NFE2L2: variants seen among roughly 807,000 people sequenced by gnomAD.
The protein encoded by NFE2L2 is nuclear factor erythroid 2-related factor 2.
A neutral mutation model predicts 49.6 loss-of-function variants in NFE2L2; 20 were observed. That is an observed-to-expected ratio of 0.40 (90% confidence interval 0.28 to 0.59). The LOEUF (loss-of-function observed/expected upper bound fraction) is 0.59, where lower values mean the gene tolerates loss of function less well. Among genes scored for constraint, NFE2L2 ranks in the 20% least tolerant of loss-of-function variants. The probability of loss-of-function intolerance (pLI) is 0.40; values close to 1 mark genes in which losing one functional copy is unlikely to be tolerated. For missense variants in NFE2L2, 578 were observed against 714.2 expected (o/e 0.81, Z 2.17); for synonymous variants, 244 against 256.5 (o/e 0.95, Z 0.47).
chr2:177,264,208 T>A (rs1270142453), intron 1 of NFE2L2, among the ~76,000 whole-genome samples: 1 of 151,890 alleles, frequency 6.6e-6, no homozygotes, highest in Non-Finnish European at 1.5e-5. Context: ...ACTTAGGGGC[T>A]CCGGAGTCCC....
chr2:177,235,717 T>C (rs1689727304), intron 1 of NFE2L2, among the ~76,000 whole-genome samples: 1 of 151,934 alleles, frequency 6.6e-6, no homozygotes, highest in Non-Finnish European at 1.5e-5. Flanking sequence ...GTCCCAACTA[T>C]TAGGGAGACT....
At chr2:177,252,056 T>G (rs1690362167) in intron 1 of NFE2L2, among the ~76,000 whole-genome samples, 1 of 149,368 alleles carries the variant, frequency 6.7e-6, no homozygotes, top group Admixed American at 6.7e-5. Context: ...ATGAAAATGA[T>G]CACAACCACC....
rs760100206 is a variant in NFE2L2 at position 177,231,859 on chromosome 2, A to G, written c.744T>C (p.Asn248=). ...TGCTGCTGAAGGAATCCTCAAAAGC[A>G]TTAAGAAAATGTGGACTACAGTTAC... The part of the protein sequence containing the change: ...EVGNCSPHFL[N]AFEDSFSSIL... The change falls in exon 5 of 5, where the codon AAT becomes AAC. Residue 248 remains asparagine, a synonymous_variant. Coordinates refer to ENST00000397062, the MANE Select transcript of NFE2L2 (RefSeq NM_006164.5). 5.6e-6 allele frequency: 9 copies of G among 1,614,088 alleles called. No homozygotes were observed. The highest frequency in any genetic ancestry group is 5.3e-5 in the African/African-American group (4 of 74,924).
Position 177,264,538 on chromosome 2 carries a change from G to A in NFE2L2, c.39C>T (p.Ser13=), listed in dbSNP as rs745412786. 6.6e-7 allele frequency: 1 copy of A among 1,523,934 alleles called. No individual in the cohort carries two copies. The allele number at this position is 1,523,934 out of a possible 1,614,324, so 94.4% of individuals were successfully genotyped here. Residue 13 remains serine (S), a synonymous_variant, in exon 1 of 5, where the codon TCC becomes TCT. Transcript: ENST00000397062. Reference sequence around the variant, plus strand: ...CAGAGGGCCGAGGCAGCACCTGCTGGGACGGGAGTCCCGGCGGCGGCAGCT... The same window carrying A: ...CAGAGGGCCGAGGCAGCACCTGCTGAGACGGGAGTCCCGGCGGCGGCAGCT... The part of the protein sequence containing the change: ...DLELPPPGLP[S]QQDMDLIDIL...
At chr2:177,263,611 G>C (rs1448126158) in intron 1 of NFE2L2, 1 of 985,378 alleles carries the variant, frequency 1.0e-6, no homozygotes, top group South Asian at 4.7e-5. Flanking sequence ...ACGGCCAACC[G>C]AGCGCTGTCA....
intron 1 of NFE2L2, chr2:177,255,917 T>C (rs1237836446): frequency 6.5e-6 from 1 of 153,348 alleles, no homozygotes; most frequent in Non-Finnish European, 1.5e-5. Context: ...TCATCAAGAA[T>C]AAAAATAACT....
chr2:177,238,995 C>G (rs1689854568), intron 1 of NFE2L2, among the ~76,000 whole-genome samples: 1 of 152,028 alleles, frequency 6.6e-6, no homozygotes, highest in Non-Finnish European at 1.5e-5. Flanking sequence ...TACAAACATA[C>G]ACACACACAC....
At chr2:177,232,350 A>C (rs1474427571) in intron 4 of NFE2L2, 42 bp downstream of exon 4, 1 of 1,544,784 alleles carries the variant, frequency 6.5e-7, no homozygotes, top group East Asian at 2.3e-5. Flanking sequence ...AAAGGCACTG[A>C]ATATAAAAAA....
In NFE2L2 at chr2:177,231,178, G is replaced by T. The variant is rs1689530663; in HGVS notation, c.1425C>A (p.Asn475Lys). ...TTTCGTTGAAGTCAACAACAGGGAG[G>T]TTAATGATTTTTTCTACAGGGAATG... ...HIPFPVEKII[N>K]LPVVDFNEMM... The change falls in exon 5 of 5, where the codon AAC (asparagine) becomes AAA (lysine). Residue 475 changes from asparagine to lysine, a missense_variant. Physicochemically the swap from Asn to Lys is moderately conservative, Grantham distance 94. Around this residue, in one of 3 missense-constraint regions of NFE2L2, gnomAD observed 117 missense variants for 175.8 expected, o/e 0.67. Coordinates refer to ENST00000397062, the MANE Select transcript of NFE2L2 (RefSeq NM_006164.5). 1.2e-6 allele frequency: 2 copies of T among 1,614,102 alleles called. No individual in the cohort carries two copies. The highest frequency in any genetic ancestry group is 1.7e-6 in the Non-Finnish European group (2 of 1,180,000).
intron 1 of NFE2L2, among the ~76,000 whole-genome samples, chr2:177,257,169 G>A (rs1690555459): frequency 6.6e-6 from 1 of 152,246 alleles, no homozygotes; most frequent in South Asian, 2.1e-4. Context: ...GTTTTTAACG[G>A]AGGAAGATAA....
intron 1 of NFE2L2, among the ~76,000 whole-genome samples, chr2:177,253,010 C>A (rs1037531719): frequency 1.3e-5 from 2 of 152,210 alleles, no homozygotes; most frequent in Non-Finnish European, 2.9e-5. Context: ...TGAAACAGTG[C>A]ACATGAGCAC....
chr2:177,236,758 A>G (rs1028344932), intron 1 of NFE2L2, among the ~76,000 whole-genome samples: 1 of 152,160 alleles, frequency 6.6e-6, no homozygotes. Flanking sequence ...GATTACTTAC[A>G]ATACCTAGTA....
intron 1 of NFE2L2, among the ~76,000 whole-genome samples, chr2:177,255,195 C>G (rs1175214766): frequency 4.6e-5 from 7 of 152,222 alleles, no homozygotes; most frequent in Admixed American, 4.6e-4. Flanking sequence ...CTACCCGCAT[C>G]TCTCTGAGGA....
At chr2:177,256,058 G>T (rs1422382350) in intron 1 of NFE2L2, 2 of 154,326 alleles carry the variant, frequency 1.3e-5, no homozygotes, top group Non-Finnish European at 1.5e-5. Flanking sequence ...TTCTTTTTGC[G>T]AAATATTCAT....
chr2:177,250,890 G>A (rs913846522), intron 1 of NFE2L2, among the ~76,000 whole-genome samples: 4 of 152,126 alleles, frequency 2.6e-5, no homozygotes, highest in Admixed American at 6.5e-5. Context: ...CAGCCCTTAC[G>A]GAAAAGTTTT....
At chr2:177,249,671 C>T (rs1486287308) in intron 1 of NFE2L2, among the ~76,000 whole-genome samples, 1 of 152,022 alleles carries the variant, frequency 6.6e-6, no homozygotes, top group Non-Finnish European at 1.5e-5. Flanking sequence ...CCCAATATAT[C>T]CAAAATTATT....
chr2:177,237,074 G>A (rs2105463831), intron 1 of NFE2L2, among the ~76,000 whole-genome samples: 1 of 152,260 alleles, frequency 6.6e-6, no homozygotes, highest in East Asian at 1.9e-4. Context: ...TGCCCAGGCT[G>A]GTCTTGAATT....
intron 1 of NFE2L2, among the ~76,000 whole-genome samples, chr2:177,243,617 C>T (rs1690014956): frequency 1.3e-5 from 2 of 152,136 alleles, no homozygotes; most frequent in African/African-American, 4.8e-5. Flanking sequence ...AATTCCCAGG[C>T]TCAAGTGATC....
intron 1 of NFE2L2, among the ~76,000 whole-genome samples, chr2:177,260,629 T>C (rs1257695369): frequency 2.6e-5 from 4 of 152,176 alleles, no homozygotes; most frequent in African/African-American, 9.7e-5. Flanking sequence ...TCTGCTCTCT[T>C]TCCTTCAGCC....
Sources: allele counts gnomAD v4.1 joint callset (sites outside exome capture counted in the v4.1 genomes callset), GRCh38; gene constraint gnomAD v4.1.1; regional missense constraint gnomAD v4.1.1; transcripts MANE v1.5; gene names NCBI Gene and HGNC (gene_info 2026-07-23, HGNC 2026-07-21).